The following SHBG variants were observed in gnomAD, a reference collection of about 807,000 sequenced individuals.
The protein encoded by SHBG is sex hormone-binding globulin.
In SHBG, 37 loss-of-function variants were observed where a neutral mutation model predicts 41.9. That is an observed-to-expected ratio of 0.88 (90% CI 0.68 to 1.16). The LOEUF (loss-of-function observed/expected upper bound fraction) is 1.16, where lower values mean the gene tolerates loss of function less well. Among genes scored for constraint, SHBG ranks in the 50% most tolerant of loss-of-function variants. The probability of loss-of-function intolerance (pLI) is 0.00; values close to 1 mark genes in which losing one functional copy is unlikely to be tolerated. For synonymous variants in SHBG, 217 were observed against 205.8 expected (o/e 1.05, Z -0.47); for missense variants, 466 against 499.9 (o/e 0.93, Z 0.65).
chr17:7,629,827 C>A (rs890001345), upstream of SHBG, among the ~76,000 whole-genome samples: 2 of 152,166 alleles, frequency 1.3e-5, no homozygotes, highest in Admixed American at 1.3e-4. Flanking sequence ...AGACCTCAGG[C>A]CTGTGAATGC....
At chr17:7,622,090 C>G (rs2072108689) in intron 1 of SHBG, among the ~76,000 whole-genome samples, 1 of 151,614 alleles carries the variant, frequency 6.6e-6, no homozygotes, top group Non-Finnish European at 1.5e-5. Context: ...AATGATCTAC[C>G]CGCCTCGGCC....
intron 1 of SHBG, among the ~76,000 whole-genome samples, chr17:7,621,335 A>G (rs1372446134): frequency 7.1e-6 from 1 of 141,224 alleles, no homozygotes; most frequent in South Asian, 2.3e-4. Flanking sequence ...AGTGGCTCGC[A>G]CCTGTAATCC....
intron 6 of SHBG, among the ~76,000 whole-genome samples, chr17:7,632,280 A>T (rs1000959745): frequency 1.4e-5 from 2 of 138,840 alleles, no homozygotes; most frequent in African/African-American, 2.7e-5. Flanking sequence ...ACCTCTGTCT[A>T]AAAAAAAAAA....
At chr17:7,614,263 G>A (rs1340764888) in intron 1 of SHBG, among the ~76,000 whole-genome samples, 1 of 152,104 alleles carries the variant, frequency 6.6e-6, no homozygotes, top group African/African-American at 2.4e-5. Context: ...GTGCCTTAGA[G>A]GGGTCAAAAA....
chr17:7,619,945 G>A (rs915430319), intron 1 of SHBG, among the ~76,000 whole-genome samples: 1 of 151,936 alleles, frequency 6.6e-6, no homozygotes, highest in African/African-American at 2.4e-5. Flanking sequence ...AAGAAGTAAG[G>A]CCAAGAGCAG....
chr17:7,630,188 C>T lies in SHBG; in HGVS notation c.16C>T (p.Pro6Ser). 6.2e-7 allele frequency: 1 copy of T among 1,613,916 alleles called. No homozygotes were observed. The highest frequency in any genetic ancestry group is 8.5e-7 in the Non-Finnish European group (1 of 1,179,856). ...GTGGCTGATTATGGAGAGCAGAGGC[C>T]CACTGGCTACCTCGCGCCTGCTGCT... MESRG[P>S]LATSRLLLLL... The change falls in exon 1 of 8, where the codon CCA becomes TCA. Residue 6 changes from proline (P) to serine (S), a missense_variant. Pro to Ser is a moderately conservative substitution (Grantham distance 74). Transcript: ENST00000380450. The surrounding 1 kb of genome is among the most constrained non-coding windows in gnomAD (Gnocchi z 4.6).
At position 7,630,202 on chromosome 17, in the gene SHBG, G is replaced by A. The variant is rs201603103; in HGVS notation, c.30G>A (p.Ser10=). MESRGPLAT[S]RLLLLLLLLL... ...AGAGCAGAGGCCCACTGGCTACCTCGCGCCTGCTGCTGTTGCTGCTGTTGC... is the reference window on the plus strand; with the variant it reads ...AGAGCAGAGGCCCACTGGCTACCTCACGCCTGCTGCTGTTGCTGCTGTTGC... The change falls in exon 1 of 8, where the codon TCG becomes TCA. Residue 10 remains serine (S), a synonymous_variant. Coordinates refer to ENST00000380450, the MANE Select transcript of SHBG (RefSeq NM_001040.5). The surrounding 1 kb of genome is among the most constrained non-coding windows in gnomAD (Gnocchi z 4.6). 2.0e-5 allele frequency: 32 copies of A among 1,613,674 alleles called. No individual in the cohort carries two copies. Among genetic ancestry groups the A allele is most frequent in the Admixed American group, 1.8e-4 (11 of 59,970 alleles).
At chr17:7,614,303 C>G in intron 1 of SHBG, 1 of 673,282 alleles carries the variant, frequency 1.5e-6, no homozygotes, top group Non-Finnish European at 2.6e-6. Context: ...TCTAAGCGGT[C>G]TCCCAGGGAA....
rs901716033 is a variant in SHBG, at chr17:7,621,353, T to C, written c.-62+7242T>C. ...GGCTCGCACCTGTAATCCCAGCACT[T>C]TGGGAGGCTGAGGCGGGCAGATCAT... On this transcript the variant is annotated intron_variant, in intron 1 of 5. Transcript: ENST00000570547. 1.4e-5 allele frequency among the ~76,000 whole-genome samples: 2 copies of C among 141,412 alleles called. 1 individual carries two copies. Among genetic ancestry groups the C allele is most frequent in the Non-Finnish European group, 3.1e-5 (2 of 64,158 alleles). The allele number at this position is 141,412 out of a possible 152,430, so 92.8% of individuals were successfully genotyped here.
At chr17:7,617,316 A>C (rs1377561818) in intron 1 of SHBG, among the ~76,000 whole-genome samples, 2 of 151,978 alleles carry the variant, frequency 1.3e-5, no homozygotes, top group Non-Finnish European at 2.9e-5. Context: ...TAATATTGCA[A>C]CCATGGCCAG....
upstream of SHBG, among the ~76,000 whole-genome samples, chr17:7,624,023 C>T (rs907349572): frequency 6.6e-6 from 1 of 152,214 alleles, no homozygotes; most frequent in Non-Finnish European, 1.5e-5. Context: ...GCAATCTCGG[C>T]TCACTGCAAA....
At chr17:7,618,335 G>C (rs1291917997) in intron 1 of SHBG, among the ~76,000 whole-genome samples, 4 of 151,488 alleles carry the variant, frequency 2.6e-5, no homozygotes, top group Non-Finnish European at 5.9e-5. Flanking sequence ...GCAGTGGTAT[G>C]ATCTCGGCTC....
chr17:7,615,522 C>T (rs942379874), intron 1 of SHBG, among the ~76,000 whole-genome samples: 3 of 152,094 alleles, frequency 2.0e-5, no homozygotes, highest in African/African-American at 7.2e-5. Flanking sequence ...AAGTTTTGGC[C>T]GGGCGCGGTG....
At chr17:7,622,204 C>G (rs562515789) in intron 1 of SHBG, among the ~76,000 whole-genome samples, 39 of 151,734 alleles carry the variant, frequency 2.6e-4, no homozygotes, top group Non-Finnish European at 4.6e-4. Context: ...CACTCTGTTT[C>G]CCTTAGAATG....
At chr17:7,615,210 A>G (rs1253391527) in intron 1 of SHBG, among the ~76,000 whole-genome samples, 1 of 151,748 alleles carries the variant, frequency 6.6e-6, no homozygotes, top group Non-Finnish European at 1.5e-5. Context: ...ACAGTCACAC[A>G]GCGCTCAGGC....
chr17:7,631,651 C>T lies in SHBG; in HGVS notation c.618C>T (p.Ile206=), dbSNP rs1567767838. 1 of 1,614,188 alleles carries T rather than the reference C, an allele frequency of 6.2e-7. No individual in the cohort carries two copies. Among genetic ancestry groups the T allele is most frequent in the Non-Finnish European group, 8.5e-7 (1 of 1,180,032 alleles). Residue 206 remains isoleucine (I), a synonymous_variant, in exon 5 of 8, where the codon ATC becomes ATT. Coordinates refer to ENST00000380450, the MANE Select transcript of SHBG (RefSeq NM_001040.5). ...RDSWLDKQAE[I]SASAPTSLRS... The stretch of plus-strand genomic sequence containing the variant: ...CCTGGCTGGACAAACAGGCCGAGAT[C>T]TCAGCATCTGCCCCCACTAGCCTCA...
At chr17:7,614,864 G>A in intron 1 of SHBG, 1 of 159,374 alleles carries the variant, frequency 6.3e-6, no homozygotes, top group Non-Finnish European at 1.4e-5. Flanking sequence ...CCGCTCCACA[G>A]CCTCCACCTC....
upstream of SHBG, among the ~76,000 whole-genome samples, chr17:7,625,802 A>C (rs1468799023): frequency 6.6e-6 from 1 of 151,804 alleles, no homozygotes; most frequent in Non-Finnish European, 1.5e-5. Flanking sequence ...GAGGCAGGAG[A>C]ATCACTTGAA....
At chr17:7,618,570 G>A (rs576704912) in intron 1 of SHBG, among the ~76,000 whole-genome samples, 5 of 152,218 alleles carry the variant, frequency 3.3e-5, no homozygotes, top group East Asian at 1.9e-4. Flanking sequence ...GCTGCCCAAA[G>A]TGTTGGGATT....
Sources: allele counts gnomAD v4.1 joint callset (sites outside exome capture counted in the v4.1 genomes callset), GRCh38; gene constraint gnomAD v4.1.1; non-coding constraint Gnocchi (gnomAD v3.1); transcripts MANE v1.5; gene names NCBI Gene and HGNC (gene_info 2026-07-23, HGNC 2026-07-21).